Variants in USP34 observed in about 807,000 individuals in gnomAD.
The protein encoded by USP34 is ubiquitin carboxyl-terminal hydrolase 34.
In USP34, 70 loss-of-function variants were observed where a neutral mutation model predicts 460.3. That is an observed-to-expected ratio of 0.15 (90% CI 0.13 to 0.19). The LOEUF is 0.19. Among genes scored for constraint, USP34 ranks in the 10% least tolerant of loss-of-function variants. The pLI is 1.00. For synonymous variants in USP34, 1,647 were observed against 1,405.3 expected, an observed-to-expected ratio of 1.17 and a Z score of -3.85; for missense variants, 3,985 against 4,236.2, an observed-to-expected ratio of 0.94 and a Z score of 1.65.
In USP34 at chr2:61,190,678, G is replaced by A; in HGVS notation, c.9589-20C>T. 1.9e-6 allele frequency: 3 copies of A among 1,606,836 alleles called. No individual in the cohort carries two copies. The highest frequency in any genetic ancestry group is 2.5e-6 in the Non-Finnish European group (3 of 1,177,208). ...AGCAGACTAAAGTGGGGAGAAGATG[G>A]TTGAGCACTTACGGTTGAGCACGGA... is the stretch of plus-strand genomic sequence containing the variant. On this transcript the variant is annotated intron_variant, in intron 76 of 79. Coordinates refer to ENST00000398571, the MANE Select transcript of USP34 (RefSeq NM_014709.4).
At position 61,339,422 on chromosome 2, in the gene USP34, T is replaced by A. The variant is rs370987714; in HGVS notation, c.2673A>T (p.Val891=). The change falls in exon 18 of 80, where the codon GTA becomes GTT. Residue 891 remains valine (V), a synonymous_variant. Coordinates refer to ENST00000398571, the MANE Select transcript of USP34 (RefSeq NM_014709.4). ...NEAEKLLCSL[V]CWFTDRQIRM... The stretch of plus-strand genomic sequence containing the variant: ...GAATTTGTCTATCTGTAAACCAACA[T>A]ACTAACGAACAAAGAAGTTTCTCTG... The A allele has an allele frequency of 3.1e-6, 5 of 1,606,366 alleles. No individual in the cohort carries two copies. Among genetic ancestry groups the A allele is most frequent in the South Asian group, 1.1e-5 (1 of 89,178 alleles).
At chr2:61,401,164 A>AAT (rs1021236616) in intron 3 of USP34, among the ~76,000 whole-genome samples, 1 of 151,406 alleles carries the variant, frequency 6.6e-6, no homozygotes, top group Non-Finnish European at 1.5e-5. Context: ...AAAAAAAAAA[A>AAT]AAAAATTAAA....
chr2:61,398,392 G>A (rs1693602841), intron 3 of USP34, among the ~76,000 whole-genome samples: 3 of 146,926 alleles, frequency 2.0e-5, no homozygotes, highest in South Asian at 4.5e-4. Context: ...AGATGGGGGA[G>A]GACAGAAAGA....
At chr2:61,430,417 T>C (rs115426701) in intron 1 of USP34, among the ~76,000 whole-genome samples, 1 of 151,784 alleles carries the variant, frequency 6.6e-6, no homozygotes, top group Admixed American at 6.6e-5. Context: ...ATAATAATAA[T>C]AAAATACATT....
intron 58 of USP34, among the ~76,000 whole-genome samples, chr2:61,230,672 G>A (rs969969258): frequency 3.3e-5 from 5 of 151,724 alleles, no homozygotes; most frequent in African/African-American, 7.3e-5. Flanking sequence ...GTGAAATCCC[G>A]TCTCTACTAA....
At chr2:61,256,355 T>G in intron 48 of USP34, 29 bp downstream of exon 48, 2 of 1,566,168 alleles carry the variant, frequency 1.3e-6, no homozygotes, top group African/African-American at 1.4e-5. Context: ...ACGGTGAACA[T>G]AATAAAAATC....
intron 1 of USP34, among the ~76,000 whole-genome samples, chr2:61,426,889 A>C (rs956602835): frequency 6.6e-6 from 1 of 152,232 alleles, no homozygotes; most frequent in African/African-American, 2.4e-5. Context: ...GAAAGTAAGG[A>C]AAGAGAACAA....
chr2:61,257,125 A>G lies in USP34; in HGVS notation c.5992-17T>C. On this transcript the variant is annotated splice_polypyrimidine_tract_variant and intron_variant, in intron 45 of 79. Coordinates refer to ENST00000398571, the MANE Select transcript of USP34 (RefSeq NM_014709.4). ...GGTATTTTTCTTTAATATAAAACAA[A>G]CAAAAAATAAGAAACTAGTTAAAAC... 1 of 1,572,844 alleles carries G rather than the reference A, an allele frequency of 6.4e-7. No homozygotes were observed. Among genetic ancestry groups the G allele is most frequent in the East Asian group, 2.2e-5 (1 of 44,612 alleles).
chr2:61,221,695 T>C, intron 65 of USP34, 89 bp from the exon 66 acceptor site: 1 of 1,177,030 alleles, frequency 8.5e-7, no homozygotes, highest in South Asian at 1.7e-5. Flanking sequence ...CTACACACTA[T>C]ATTTAAATCT....
At chr2:61,434,552 A>T (rs911107988) in intron 1 of USP34, among the ~76,000 whole-genome samples, 1 of 152,170 alleles carries the variant, frequency 6.6e-6, no homozygotes, top group South Asian at 2.1e-4. Flanking sequence ...CTGACTTGAG[A>T]AACAGCCCAA....
At chr2:61,319,547 A>C (rs1352855290) in intron 21 of USP34, among the ~76,000 whole-genome samples, 1 of 152,064 alleles carries the variant, frequency 6.6e-6, no homozygotes. Context: ...TTAAAAAAAA[A>C]AAAAAGAATC....
intron 21 of USP34, among the ~76,000 whole-genome samples, chr2:61,321,141 G>C (rs1490213680): frequency 6.6e-6 from 1 of 151,458 alleles, no homozygotes; most frequent in Non-Finnish European, 1.5e-5. Context: ...ATGCACTTCA[G>C]CCTGGATGAC....
At chr2:61,319,710 T>C (rs1417058419) in intron 21 of USP34, among the ~76,000 whole-genome samples, 1 of 152,114 alleles carries the variant, frequency 6.6e-6, no homozygotes, top group African/African-American at 2.4e-5. Context: ...CTGGGCATGG[T>C]GGCGTGTGCC....
intron 34 of USP34, among the ~76,000 whole-genome samples, chr2:61,287,230 G>A (rs191552693): frequency 2.0e-4 from 31 of 152,088 alleles, no homozygotes; most frequent in East Asian, 1.4e-3. Context: ...CCTTATGTCC[G>A]TCACAATCTA....
intron 34 of USP34, 143 bp downstream of exon 34, chr2:61,288,534 C>T (rs996265645): frequency 4.5e-5 from 35 of 785,710 alleles, no homozygotes; most frequent in Non-Finnish European, 6.1e-5. Context: ...TTCATAATCA[C>T]TACTGCTTTA....
chr2:61,264,337 A>G (rs948502425), intron 43 of USP34, among the ~76,000 whole-genome samples: 2 of 152,214 alleles, frequency 1.3e-5, no homozygotes, highest in African/African-American at 2.4e-5. Context: ...AATCAAGACA[A>G]AAGATAACAT....
chr2:61,451,760 G>C (rs1459588775), intron 1 of USP34, among the ~76,000 whole-genome samples: 1 of 151,770 alleles, frequency 6.6e-6, no homozygotes. Flanking sequence ...ATTCAAATTT[G>C]CTAAAATCAC....
intron 30 of USP34, among the ~76,000 whole-genome samples, chr2:61,296,535 T>C (rs1045927710): frequency 6.6e-6 from 1 of 152,180 alleles, no homozygotes; most frequent in African/African-American, 2.4e-5. Context: ...TACTGTAATA[T>C]GAAAAAACAC....
intron 1 of USP34, among the ~76,000 whole-genome samples, chr2:61,468,565 T>C (rs2104127391): frequency 6.6e-6 from 1 of 152,332 alleles, no homozygotes; most frequent in Middle Eastern, 3.4e-3. Context: ...AAGGCAATAT[T>C]AAGAAACTAA....
Sources: gnomAD v4.1 joint callset for allele counts (sites outside exome capture counted in the v4.1 genomes callset) on GRCh38, gnomAD v4.1.1 for gene constraint, MANE v1.5 for transcripts, NCBI Gene and HGNC (gene_info 2026-07-23, HGNC 2026-07-21) for gene names.